Variants in PCDHGA4 observed in about 807,000 individuals in gnomAD.
PCDHGA4 encodes the protein protocadherin gamma subfamily A, 4.
A neutral mutation model predicts 54.6 loss-of-function variants in PCDHGA4; 38 were observed. The ratio of observed to expected loss-of-function variants is 0.70; its 90% confidence interval spans 0.54 to 0.91. PCDHGA4 has a LOEUF of 0.91. Among genes scored for constraint, PCDHGA4 ranks in the 40% least tolerant of loss-of-function variants. PCDHGA4 has a pLI of 0.00. For missense variants in PCDHGA4, 1,298 were observed against 1,220.9 expected, an observed-to-expected ratio of 1.06 and a Z score of -0.94; for synonymous variants, 511 against 512.9, an observed-to-expected ratio of 1.00 and a Z score of 0.05.
intron 1 of PCDHGA4, chr5:141,409,901 C>G: frequency 6.2e-7 from 1 of 1,613,264 alleles, no homozygotes; most frequent in Non-Finnish European, 8.5e-7. Context: ...GTACCCAGCT[C>G]TGGGTCCTGA....
Position 141,357,489 on chromosome 5 carries a change from G to A in PCDHGA4, c.2382G>A (p.Ser794=). The change falls in exon 1 of 4, where the codon TCG becomes TCA. Residue 794 remains serine (S), a synonymous_variant. Transcript: ENST00000571252. Reference sequence around the variant, plus strand: ...ACGAGGTCTCCCTCACCGCGGACTCGCGGAAGAGTCACCTGATCTTCTCCC... The same window carrying A: ...ACGAGGTCTCCCTCACCGCGGACTCACGGAAGAGTCACCTGATCTTCTCCC... ...YSHEVSLTAD[S]RKSHLIFSQP... is the part of the protein sequence containing the mutation. 1 of 1,614,212 alleles carries A rather than the reference G, an allele frequency of 6.2e-7. No homozygotes were observed.
intron 1 of PCDHGA4, chr5:141,372,710 T>C (rs1366946720): frequency 6.2e-7 from 1 of 1,613,996 alleles, no homozygotes; most frequent in Admixed American, 1.7e-5. Context: ...ATATAAAGGC[T>C]GAAAATGCTG....
intron 1 of PCDHGA4, chr5:141,410,640 G>T: frequency 1.3e-6 from 2 of 1,599,058 alleles, no homozygotes; most frequent in Non-Finnish European, 1.7e-6. Flanking sequence ...TCTTTTTTGT[G>T]TGTGATTTAT....
chr5:141,362,255 T>A (rs1257652154), intron 1 of PCDHGA4: 2 of 1,614,020 alleles, frequency 1.2e-6, no homozygotes, highest in Admixed American at 3.3e-5. Flanking sequence ...TTCCTCGCGG[T>A]GATTCTGGCA....
chr5:141,477,845 G>A lies in PCDHGA4; in HGVS notation c.2515-16962G>A, dbSNP rs1164464559. On this transcript the variant is annotated intron_variant, in intron 1 of 3. Transcript: ENST00000571252. This position sits in a 1 kb window ranked among gnomAD's most constrained non-coding sequence, Gnocchi z 4.9. ...ATATCCTCGGCCAGGTGGGAGCTCGGTGGAGATGCTGCCTCGAGGTACCTC... is the reference window on the plus strand; with the variant it reads ...ATATCCTCGGCCAGGTGGGAGCTCGATGGAGATGCTGCCTCGAGGTACCTC... 11 of 1,614,040 alleles carry A rather than the reference G, an allele frequency of 6.8e-6. No individual in the cohort carries two copies. The highest frequency in any genetic ancestry group is 9.3e-6 in the Non-Finnish European group (11 of 1,180,036).
rs57426385 is a variant in PCDHGA4 at position 141,415,740 on chromosome 5, G to GTTTTTTTTTTTTTT, written c.2514+58138_2514+58151dup. 1.9e-4 allele frequency: 117 copies of GTTTTTTTTTTTTTT among 625,018 alleles called. 7 individuals are homozygous for GTTTTTTTTTTTTTT. Among genetic ancestry groups the GTTTTTTTTTTTTTT allele is most frequent in the African/African-American group, 5.0e-4 (20 of 39,930 alleles). 38.7% of individuals were successfully genotyped at this position (625,018 alleles called of 1,614,324 possible). A position where few individuals can be genotyped will look rare whatever the true frequency, so the allele number is the denominator to read the frequency against. On this transcript the variant is annotated intron_variant, in intron 1 of 3. Coordinates refer to ENST00000571252, the MANE Select transcript of PCDHGA4 (RefSeq NM_018917.4). ...TGAGTAGAATTTGATGTTTATTAAGGTTTTTTTTTTTTTTTTTTTTTTTTT... is the reference window on the plus strand; with the variant it reads ...TGAGTAGAATTTGATGTTTATTAAGGTTTTTTTTTTTTTTTTTTTTTTTTTTTTTTTTTTTTTTT...
In PCDHGA4 at chr5:141,511,502, A is replaced by G. The variant is rs953158220; in HGVS notation, c.*329A>G. ...CTGAACTCCTCCATCTTCCAAATCAATCAGGCCCATCCATCCCATGCCTCC... is the reference window on the plus strand; with the variant it reads ...CTGAACTCCTCCATCTTCCAAATCAGTCAGGCCCATCCATCCCATGCCTCC... On this transcript the variant is annotated 3_prime_UTR_variant, in exon 4 of 4. Transcript: ENST00000571252. The G allele has an allele frequency of 1.3e-5, 5 of 395,150 alleles. No homozygotes were observed. Among genetic ancestry groups the G allele is most frequent in the African/African-American group, 1.0e-4 (5 of 48,770 alleles). The allele number at this position is 395,150 out of a possible 1,614,324, so 24.5% of individuals were successfully genotyped here.
At position 141,421,063 on chromosome 5, in the gene PCDHGA4, G is replaced by A. The variant is rs575695102; in HGVS notation, c.2514+63442G>A. 4.7e-4 allele frequency: 274 copies of A among 581,982 alleles called. 4 individuals are homozygous for A. The South Asian group carries it at 6.4e-3, about 14-fold the overall frequency. 36.1% of individuals were successfully genotyped at this position (581,982 alleles called of 1,614,324 possible). On this transcript the variant is annotated intron_variant, in intron 1 of 3. Transcript: ENST00000571252. ...CTCCCCCGCCTCTACCACACAAAGC[G>A]GAATGAGATGGATACTCACAGATCC... is the stretch of plus-strand genomic sequence containing the variant.
At chr5:141,450,587 A>G (rs1396203849) in intron 1 of PCDHGA4, among the ~76,000 whole-genome samples, 1 of 151,720 alleles carries the variant, frequency 6.6e-6, no homozygotes, top group East Asian at 1.9e-4. Flanking sequence ...CCCAGGTTCA[A>G]GCAATTCTCC....
chr5:141,365,504 T>G, intron 1 of PCDHGA4: 1 of 1,613,984 alleles, frequency 6.2e-7, no homozygotes, highest in Non-Finnish European at 8.5e-7. Flanking sequence ...GAATTTGCCT[T>G]TTAAATTGGA....
chr5:141,372,451 C>T, intron 1 of PCDHGA4: 1 of 1,614,042 alleles, frequency 6.2e-7, no homozygotes, highest in Non-Finnish European at 8.5e-7. Context: ...GACCCTCAGG[C>T]GGAGCTACAG....
At chr5:141,421,141 G>A (rs7732160) in intron 1 of PCDHGA4, 49,996 of 938,386 alleles carry the variant, frequency 0.053, 1,680 homozygotes, top group African/African-American at 0.14. Flanking sequence ...TATTTTGGAT[G>A]TAGTCGGCCT....
At chr5:141,371,382 T>A (rs774974302) in intron 1 of PCDHGA4, 1 of 1,613,888 alleles carries the variant, frequency 6.2e-7, no homozygotes, top group Non-Finnish European at 8.5e-7. Flanking sequence ...TCACACTGCA[T>A]ATTGTAAAGT....
At chr5:141,451,640 G>A (rs2098720679) in intron 1 of PCDHGA4, among the ~76,000 whole-genome samples, 1 of 152,166 alleles carries the variant, frequency 6.6e-6, no homozygotes, top group South Asian at 2.1e-4. Context: ...CCAGCACTCT[G>A]AGAGGCCAAG....
At chr5:141,423,026 G>A in intron 1 of PCDHGA4, 2 of 1,614,210 alleles carry the variant, frequency 1.2e-6, no homozygotes, top group African/African-American at 1.3e-5. Flanking sequence ...AAAGATTCAG[G>A]CCAGAACGCC....
chr5:141,436,635 A>G (rs953396225), intron 1 of PCDHGA4, among the ~76,000 whole-genome samples: 8 of 152,184 alleles, frequency 5.3e-5, no homozygotes, highest in African/African-American at 1.9e-4. Context: ...ACAACATGCA[A>G]TTAATTAACA....
intron 1 of PCDHGA4, chr5:141,392,843 C>T (rs77141792): frequency 0.027 from 43,247 of 1,608,962 alleles, 854 homozygotes; most frequent in African/African-American, 0.093. Context: ...GCCCCAGACG[C>T]GGCGAGCTGA....
intron 1 of PCDHGA4, chr5:141,362,613 T>G: frequency 6.4e-7 from 1 of 1,552,174 alleles, no homozygotes; most frequent in East Asian, 2.3e-5. Context: ...CTAATTTGGG[T>G]AGGAAGTTCC....
At chr5:141,399,806 A>G in intron 1 of PCDHGA4, 1 of 1,613,106 alleles carries the variant, frequency 6.2e-7, no homozygotes, top group Non-Finnish European at 8.5e-7. Context: ...CGGGTGCTGT[A>G]CCCCGCGCTG....
Sources: allele counts gnomAD v4.1 joint callset (sites outside exome capture counted in the v4.1 genomes callset), GRCh38; gene constraint gnomAD v4.1.1; non-coding constraint Gnocchi (gnomAD v3.1); transcripts MANE v1.5; gene names NCBI Gene and HGNC (gene_info 2026-07-23, HGNC 2026-07-21).